The following ST3GAL5 variants were observed in gnomAD, a reference collection of about 807,000 sequenced individuals.
ST3GAL5 encodes the protein ST3 beta-galactoside alpha-2,3-sialyltransferase 5.
A neutral mutation model predicts 46.1 loss-of-function variants in ST3GAL5; 25 were observed. That is an observed-to-expected ratio of 0.54 (90% CI 0.40 to 0.76). The LOEUF is 0.76. ST3GAL5 is among the 30% of genes least tolerant of loss of function. The pLI, the probability that ST3GAL5 is intolerant of heterozygous loss-of-function variation, is 0.00. For synonymous variants in ST3GAL5, 182 were observed against 192.7 expected, an observed-to-expected ratio of 0.94 and a Z score of 0.46; for missense variants, 431 against 521.2, an observed-to-expected ratio of 0.83 and a Z score of 1.69.
At position 85,839,675 on chromosome 2, in the gene ST3GAL5, A is replaced by G; in HGVS notation, c.*469T>C. 1 of 251,576 alleles carries G rather than the reference A, an allele frequency of 4.0e-6. No homozygotes were observed. Among genetic ancestry groups the G allele is most frequent in the South Asian group, 4.6e-5 (1 of 21,890 alleles). The allele number at this position is 251,576 out of a possible 1,614,324, so 15.6% of individuals were successfully genotyped here. A position where few individuals can be genotyped will look rare whatever the true frequency, so the allele number is the denominator to read the frequency against. On this transcript the variant is annotated 3_prime_UTR_variant, in exon 7 of 7. Coordinates refer to ENST00000638572, the MANE Select transcript of ST3GAL5 (RefSeq NM_003896.4). ...GCATCGCAGACCCAGTATCAGCAGC[A>G]GAGCTACGGAGCACGTCATCCTGGG...
chr2:85,881,802 C>A (rs1365657080), intron 1 of ST3GAL5, among the ~76,000 whole-genome samples: 3 of 152,184 alleles, frequency 2.0e-5, no homozygotes, highest in South Asian at 2.1e-4. Context: ...AAGGAAACCC[C>A]ATTTTCTGGG....
chr2:85,878,798 C>CAGTA (rs1686849264), intron 1 of ST3GAL5, among the ~76,000 whole-genome samples: 1 of 152,280 alleles, frequency 6.6e-6, no homozygotes, highest in South Asian at 2.1e-4. Flanking sequence ...AGAGGAGCTA[C>CAGTA]AGTAGACCTT....
At chr2:85,867,706 A>G (rs908598178) in intron 1 of ST3GAL5, 2 of 776,888 alleles carry the variant, frequency 2.6e-6, no homozygotes, top group African/African-American at 3.4e-5. Context: ...TAAATACCAT[A>G]CTGAAGGAAT....
At chr2:85,868,765 T>C (rs1441751832) in intron 1 of ST3GAL5, among the ~76,000 whole-genome samples, 2 of 151,902 alleles carry the variant, frequency 1.3e-5, no homozygotes, top group Non-Finnish European at 2.9e-5. Context: ...ACTACAGGCA[T>C]GCGCCACCAC....
intron 3 of ST3GAL5, chr2:85,855,964 G>A (rs1049003102): frequency 2.6e-5 from 4 of 152,144 alleles, no homozygotes; most frequent in South Asian, 2.1e-4. Context: ...ATAAAGATGC[G>A]GAGAAACTGA....
intron 1 of ST3GAL5, among the ~76,000 whole-genome samples, chr2:85,887,226 C>T (rs1687860495): frequency 6.6e-6 from 1 of 152,200 alleles, no homozygotes; most frequent in Admixed American, 6.5e-5. Flanking sequence ...AGAGTGTGTT[C>T]TTATTCTGCC....
At chr2:85,846,888 T>C in intron 4 of ST3GAL5, 1 of 268,222 alleles carries the variant, frequency 3.7e-6, no homozygotes, top group East Asian at 8.3e-5. Context: ...TCCATTGTGC[T>C]CAGATGTTAG....
At chr2:85,842,023 A>G (rs1682169595) in intron 6 of ST3GAL5, among the ~76,000 whole-genome samples, 1 of 150,586 alleles carries the variant, frequency 6.6e-6, no homozygotes, top group South Asian at 2.2e-4. Flanking sequence ...TGCCATAAAT[A>G]TAACTCTTCT....
At chr2:85,863,189 C>T (rs1363686716) in intron 2 of ST3GAL5, among the ~76,000 whole-genome samples, 173 bp downstream of exon 2, 1 of 152,172 alleles carries the variant, frequency 6.6e-6, no homozygotes, top group South Asian at 2.1e-4. Flanking sequence ...CAGGCTCACT[C>T]CGGCTGTGCA....
intron 4 of ST3GAL5, 61 bp downstream of exon 4, chr2:85,847,800 A>C (rs1289595818): frequency 6.4e-7 from 1 of 1,567,752 alleles, no homozygotes; most frequent in East Asian, 2.4e-5. Context: ...TGCCTCAAAA[A>C]ATAAAATAAA....
At chr2:85,867,635 G>A (rs1685429871) in intron 1 of ST3GAL5, 1 of 781,010 alleles carries the variant, frequency 1.3e-6, no homozygotes, top group Middle Eastern at 2.3e-4. Flanking sequence ...GTGGCGGCGA[G>A]ACAGGATAAT....
At chr2:85,856,152 G>A (rs1367117275) in intron 3 of ST3GAL5, 1 of 152,142 alleles carries the variant, frequency 6.6e-6, no homozygotes, top group Non-Finnish European at 1.5e-5. Context: ...GTTCACAGCA[G>A]CATTATTCAT....
chr2:85,873,328 A>G (rs566715301), intron 1 of ST3GAL5, among the ~76,000 whole-genome samples: 1 of 152,266 alleles, frequency 6.6e-6, no homozygotes, highest in South Asian at 2.1e-4. Flanking sequence ...TCCCTCAGCA[A>G]ATCAGGAGTC....
Position 85,839,488 on chromosome 2 carries a change from C to G in ST3GAL5, c.*656G>C. The stretch of plus-strand genomic sequence containing the variant: ...TGGGAAGACTGTGGTTTCTGTAGCC[C>G]AGGGTGGCTTCACAGTTGTCAGAGG... On this transcript the variant is annotated 3_prime_UTR_variant, in exon 7 of 7. Transcript: ENST00000638572. 6.5e-6 allele frequency: 1 copy of G among 153,962 alleles called. No individual in the cohort carries two copies. The highest frequency in any genetic ancestry group is 1.9e-4 in the East Asian group (1 of 5,214). 9.5% of individuals were successfully genotyped at this position (153,962 alleles called of 1,614,324 possible).
At chr2:85,841,027 T>TA (rs202006559) in intron 6 of ST3GAL5, among the ~76,000 whole-genome samples, 21,691 of 133,522 alleles carry the variant, frequency 0.16, 2,209 homozygotes, top group South Asian at 0.33. Flanking sequence ...CCAGAATCAT[T>TA]AAAAAAAAAA....
At chr2:85,853,424 T>C (rs1683756913) in intron 3 of ST3GAL5, 1 of 275,050 alleles carries the variant, frequency 3.6e-6, no homozygotes, top group Non-Finnish European at 7.2e-6. Flanking sequence ...CCACTCACAC[T>C]GTGGGCTGCT....
chr2:85,850,700 T>TAGGACAGAAAGGAAC (rs1256262116), intron 3 of ST3GAL5: 1 of 152,146 alleles, frequency 6.6e-6, no homozygotes, highest in Non-Finnish European at 1.5e-5. Context: ...ACAAATCTCC[T>TAGGACAGAAAGGAAC]AGGACAGAAA....
intron 2 of ST3GAL5, 115 bp downstream of exon 2, chr2:85,863,247 A>C: frequency 1.3e-6 from 2 of 1,577,686 alleles, no homozygotes; most frequent in Non-Finnish European, 1.7e-6. Flanking sequence ...GCATCCTTTG[A>C]CCAAGCATGC....
At chr2:85,869,406 T>G (rs921622728) in intron 1 of ST3GAL5, among the ~76,000 whole-genome samples, 6 of 151,498 alleles carry the variant, frequency 4.0e-5, no homozygotes, top group Non-Finnish European at 7.4e-5. Flanking sequence ...TTTTACTACC[T>G]GAATTCCATA....
Sources: gnomAD v4.1 joint callset for allele counts (sites outside exome capture counted in the v4.1 genomes callset) on GRCh38, gnomAD v4.1.1 for gene constraint, MANE v1.5 for transcripts, NCBI Gene and HGNC (gene_info 2026-07-23, HGNC 2026-07-21) for gene names.